PACRGL: variants seen among roughly 807,000 people sequenced by gnomAD.
PACRGL encodes parkin coregulated like.
In PACRGL, 38 loss-of-function variants were observed where a neutral mutation model predicts 34.5. The observed-to-expected ratio is 1.10, with a 90% confidence interval of 0.85 to 1.44. The LOEUF (loss-of-function observed/expected upper bound fraction) is 1.44. Ranked by LOEUF, PACRGL falls within the 40% of genes most tolerant of loss-of-function variation. The pLI is 0.00. For synonymous variants in PACRGL, 128 were observed against 100.1 expected, an observed-to-expected ratio of 1.28 and a Z score of -1.66; for missense variants, 305 against 281.4, an observed-to-expected ratio of 1.08 and a Z score of -0.60.
intron 8 of PACRGL, among the ~76,000 whole-genome samples, chr4:20,726,214 C>T (rs559800960): frequency 2.0e-3 from 301 of 152,084 alleles, no homozygotes; most frequent in Non-Finnish European, 2.4e-3. Context: ...AGTTTAGAAA[C>T]GGCACATTAA....
chr4:20,729,266 CTG>C lies in PACRGL; in HGVS notation c.*1927_*1928del, dbSNP rs1747103621. 6.6e-6 allele frequency: 1 copy of C among 151,992 alleles called. No individual in the cohort carries two copies. The highest frequency in any genetic ancestry group is 1.5e-5 in the Non-Finnish European group (1 of 67,968). The allele number at this position is 151,992 out of a possible 1,614,324, so 9.4% of individuals were successfully genotyped here. On this transcript the variant is annotated 3_prime_UTR_variant, in exon 9 of 9. Transcript: ENST00000503585. The stretch of plus-strand genomic sequence containing the variant: ...AGATATCCTGACCCTTTGCATATGT[CTG>C]TAAACATCCTTGTTTTGTTTGATGC...
intron 1 of PACRGL, among the ~76,000 whole-genome samples, chr4:20,702,993 T>A (rs1021092178): frequency 2.6e-5 from 4 of 152,238 alleles, no homozygotes; most frequent in Non-Finnish European, 5.9e-5. Flanking sequence ...TATCAGACTT[T>A]AAGCTGGTAC....
At chr4:20,755,742 G>A (rs1024860123), downstream of PACRGL, among the ~76,000 whole-genome samples, 1 of 152,176 alleles carries the variant, frequency 6.6e-6, no homozygotes, top group Non-Finnish European at 1.5e-5. Flanking sequence ...TGGCATTGGC[G>A]TAAATGCAAA....
chr4:20,759,761 T>C, the PACRGL span, among the ~76,000 whole-genome samples: 1 of 152,036 alleles, frequency 6.6e-6, no homozygotes, highest in African/African-American at 2.4e-5. Flanking sequence ...TTTTTTGGAG[T>C]TATAAGAACC....
Position 20,727,603 on chromosome 4 carries a change from G to T in PACRGL, c.*262G>T. The T allele has an allele frequency of 3.0e-6, 1 of 332,690 alleles. No individual in the cohort carries two copies. Among genetic ancestry groups the T allele is most frequent in the Non-Finnish European group, 5.5e-6 (1 of 181,220 alleles). 20.6% of individuals were successfully genotyped at this position (332,690 alleles called of 1,614,324 possible). A position where few individuals can be genotyped will look rare whatever the true frequency, so the allele number is the denominator to read the frequency against. On this transcript the variant is annotated 3_prime_UTR_variant, in exon 9 of 9. Coordinates refer to ENST00000503585, the MANE Select transcript of PACRGL (RefSeq NM_001258345.3). Reference sequence around the variant, plus strand: ...ATTATTTGTGCGAAGAACCATTATTGAGTTTGCAAGATAAGATGTATTTGT... The same window carrying T: ...ATTATTTGTGCGAAGAACCATTATTTAGTTTGCAAGATAAGATGTATTTGT...
Position 20,730,052 on chromosome 4 carries a change from G to C in PACRGL, c.*2711G>C. On this transcript the variant is annotated 3_prime_UTR_variant, in exon 9 of 9. Transcript: ENST00000503585. ...AAGGGTGGTAGAATAGTTCACATTT[G>C]TCTGTTGGATTCAGGATCTATTTGA... 6.3e-7 allele frequency: 1 copy of C among 1,598,728 alleles called. No homozygotes were observed. The highest frequency in any genetic ancestry group is 8.5e-7 in the Non-Finnish European group (1 of 1,174,516).
chr4:20,738,541 C>G (rs1199248855), intron 8 of PACRGL, among the ~76,000 whole-genome samples: 1 of 152,192 alleles, frequency 6.6e-6, no homozygotes, highest in Non-Finnish European at 1.5e-5. Flanking sequence ...GCCTACAGCA[C>G]TCATCACTGG....
chr4:20,731,444 C>G lies in PACRGL; in HGVS notation c.*4103C>G. ...ATTCTAAGTAAGCTAACACTGGTTTCTTTGATAACAGGCTACTACCTGGAG... is the reference window on the plus strand; with the variant it reads ...ATTCTAAGTAAGCTAACACTGGTTTGTTTGATAACAGGCTACTACCTGGAG... On this transcript the variant is annotated 3_prime_UTR_variant, in exon 9 of 9. Transcript: ENST00000503585. 1.0e-6 allele frequency: 1 copy of G among 985,330 alleles called. No homozygotes were observed. The highest frequency in any genetic ancestry group is 1.2e-6 in the Non-Finnish European group (1 of 829,876). The allele number at this position is 985,330 out of a possible 1,614,324, so 61.0% of individuals were successfully genotyped here.
chr4:20,735,416 T>C (rs971922990), downstream of PACRGL, among the ~76,000 whole-genome samples: 1 of 152,224 alleles, frequency 6.6e-6, no homozygotes, highest in Non-Finnish European at 1.5e-5. Context: ...GGCAATGACA[T>C]TGGCTATGTA....
At chr4:20,716,333 GT>G (rs34030649) in intron 7 of PACRGL, 706 of 506,386 alleles carry the variant, frequency 1.4e-3, no homozygotes, top group South Asian at 2.5e-3. Context: ...TTCATGCAGT[GT>G]TTTTTTTTTG....
At position 20,724,906 on chromosome 4, in the gene PACRGL, C is replaced by A; in HGVS notation, c.690+18C>A. The A allele has an allele frequency of 7.4e-7, 1 of 1,357,806 alleles. No homozygotes were observed. Among genetic ancestry groups the A allele is most frequent in the South Asian group, 1.6e-5 (1 of 62,064 alleles). The allele number at this position is 1,357,806 out of a possible 1,614,324, so 84.1% of individuals were successfully genotyped here. On this transcript the variant is annotated intron_variant, in intron 8 of 8. Coordinates refer to ENST00000503585, the MANE Select transcript of PACRGL (RefSeq NM_001258345.3). ...GTGGAAGTGTAAGTAGAATATTATT[C>A]CTTAAGTCTTTTTTTTTAACTTTTA...
rs1560403311 is a variant in PACRGL at position 20,731,758 on chromosome 4, A to G, written c.*4417A>G. 3 of 985,440 alleles carry G rather than the reference A, an allele frequency of 3.0e-6. No homozygotes were observed. The highest frequency in any genetic ancestry group is 3.6e-6 in the Non-Finnish European group (3 of 829,924). 61.0% of individuals were successfully genotyped at this position (985,440 alleles called of 1,614,324 possible). A position where few individuals can be genotyped will look rare whatever the true frequency, so the allele number is the denominator to read the frequency against. The stretch of plus-strand genomic sequence containing the variant: ...TACTCTCTAAGGAATTTGGGAATCA[A>G]CACAGTACATGTACAACTTTTGTAT... On this transcript the variant is annotated 3_prime_UTR_variant, in exon 9 of 9. Coordinates refer to ENST00000503585, the MANE Select transcript of PACRGL (RefSeq NM_001258345.3).
downstream of PACRGL, chr4:20,732,862 TC>T (rs1246278295): frequency 1.2e-6 from 1 of 866,696 alleles, no homozygotes; most frequent in African/African-American, 1.7e-5. Context: ...GACAGATTTT[TC>T]CTACTCAATT....
chr4:20,712,244 T>G (rs1012612655), intron 5 of PACRGL, among the ~76,000 whole-genome samples: 2 of 151,692 alleles, frequency 1.3e-5, no homozygotes, highest in African/African-American at 4.8e-5. Flanking sequence ...TCTTTTCTTT[T>G]CCTTTTTCTT....
downstream of PACRGL, among the ~76,000 whole-genome samples, chr4:20,754,487 A>G (rs562461679): frequency 6.6e-6 from 1 of 152,322 alleles, no homozygotes; most frequent in African/African-American, 2.4e-5. Flanking sequence ...CTGCCATCAG[A>G]GATCACATTC....
At chr4:20,709,104 A>G (rs919182805) in intron 4 of PACRGL, among the ~76,000 whole-genome samples, 1 of 152,148 alleles carries the variant, frequency 6.6e-6, no homozygotes, top group Admixed American at 6.5e-5. Flanking sequence ...GCGCCATTAC[A>G]CTTGAGCCTG....
intron 7 of PACRGL, among the ~76,000 whole-genome samples, chr4:20,715,026 A>G (rs1448330040): frequency 6.6e-6 from 1 of 152,302 alleles, no homozygotes; most frequent in African/African-American, 2.4e-5. Flanking sequence ...AACCAACCCA[A>G]ATGTCCAACA....
At chr4:20,708,626 T>C (rs1735641644) in intron 4 of PACRGL, among the ~76,000 whole-genome samples, 1 of 152,116 alleles carries the variant, frequency 6.6e-6, no homozygotes, top group African/African-American at 2.4e-5. Context: ...CAAAACTTAT[T>C]GTTGCAAAAA....
chr4:20,704,457 A>T lies in PACRGL; in HGVS notation c.-16-9A>T. On this transcript the variant is annotated splice_polypyrimidine_tract_variant and intron_variant, in intron 1 of 8. Coordinates refer to ENST00000503585, the MANE Select transcript of PACRGL (RefSeq NM_001258345.3). ...TTTTGAAATCAACTTTTTTTTTTTT[A>T]AACTGCAGGAGTGAAAGGGAAGCAA... is the stretch of plus-strand genomic sequence containing the variant. 1.3e-6 allele frequency: 2 copies of T among 1,598,216 alleles called. No individual in the cohort carries two copies. Among genetic ancestry groups the T allele is most frequent in the East Asian group, 2.2e-5 (1 of 44,734 alleles).
Sources: allele counts gnomAD v4.1 joint callset (sites outside exome capture counted in the v4.1 genomes callset), GRCh38; gene constraint gnomAD v4.1.1; transcripts MANE v1.5; gene names NCBI Gene and HGNC (gene_info 2026-07-23, HGNC 2026-07-21).